Variants in ITGB6 observed in about 807,000 individuals in gnomAD.
The protein encoded by ITGB6 is integrin subunit beta 6, also known as integrin beta-6.
A neutral mutation model predicts 84.5 loss-of-function variants in ITGB6; 80 were observed. That is an observed-to-expected ratio of 0.95 (90% confidence interval 0.79 to 1.14). The LOEUF is 1.14. ITGB6 is among the 50% of genes most tolerant of loss of function. ITGB6 has a pLI of 0.00. For synonymous variants in ITGB6, 383 were observed against 354.9 expected (o/e 1.08, Z -0.89); for missense variants, 1,006 against 968.0 (o/e 1.04, Z -0.52).
In ITGB6 at chr2:160,107,773, A is replaced by G; in HGVS notation, c.2174T>C (p.Val725Ala). The change falls in exon 14 of 15, where the codon GTC (valine) becomes GCC (alanine). Residue 725 changes from valine (V) to alanine (A), a missense_variant. Physicochemically the swap from Val to Ala is moderately conservative, Grantham distance 64 (BLOSUM62 0). Transcript: ENST00000283249. The part of the protein sequence containing the change: ...VSLAILLIGV[V>A]LLCIWKLLVS... Reference sequence around the variant, plus strand: ...CAGTAGCTTCCAGATGCACAGTAGGACAACCCCGATGAGAAGAATAGCCAG... The same window carrying G: ...CAGTAGCTTCCAGATGCACAGTAGGGCAACCCCGATGAGAAGAATAGCCAG... The G allele has an allele frequency of 6.2e-7, 1 of 1,614,048 alleles. No homozygotes were observed. The highest frequency in any genetic ancestry group is 8.5e-7 in the Non-Finnish European group (1 of 1,179,910).
At chr2:160,104,875 G>A (rs1696849554) in intron 14 of ITGB6, among the ~76,000 whole-genome samples, 1 of 152,144 alleles carries the variant, frequency 6.6e-6, no homozygotes, top group Non-Finnish European at 1.5e-5. Context: ...TAGGAGGTAG[G>A]AGTGAAGACC....
rs150783771 is a variant in ITGB6, at chr2:160,200,169, T to C, written c.-106A>G. 293 of 834,938 alleles carry C rather than the reference T, an allele frequency of 3.5e-4. 1 individual carries two copies. The highest frequency in any genetic ancestry group is 3.3e-3 in the East Asian group (125 of 38,044). The allele number at this position is 834,938 out of a possible 1,614,324, so 51.7% of individuals were successfully genotyped here. Reference sequence around the variant, plus strand: ...AGTCTTTCTTTCTTGAAGTATAACATTTTAAATACTACTTACACTGCTTTG... The same window carrying C: ...AGTCTTTCTTTCTTGAAGTATAACACTTTAAATACTACTTACACTGCTTTG... On this transcript the variant is annotated 5_prime_UTR_variant, in exon 1 of 15. It removes an upstream start codon present in the reference 5' UTR. Transcript: ENST00000283249.
chr2:160,112,040 A>G (rs776366062), intron 13 of ITGB6, 40 bp downstream of exon 13: 1 of 1,603,052 alleles, frequency 6.2e-7, no homozygotes, highest in East Asian at 2.2e-5. Context: ...TCTCCTGTGT[A>G]GTATCATTTG....
intron 12 of ITGB6, 56 bp downstream of exon 12, chr2:160,123,735 C>T: frequency 1.5e-6 from 2 of 1,333,852 alleles, no homozygotes; most frequent in Middle Eastern, 1.8e-4. Flanking sequence ...GGGTCAAGAA[C>T]TACGCCTCTC....
At chr2:160,150,462 A>G (rs1559157694) in intron 7 of ITGB6, among the ~76,000 whole-genome samples, 1 of 152,216 alleles carries the variant, frequency 6.6e-6, no homozygotes, top group Non-Finnish European at 1.5e-5. Flanking sequence ...AGGAAGAACT[A>G]AACATGGAAA....
chr2:160,185,879 C>T (rs1002804427), intron 4 of ITGB6, among the ~76,000 whole-genome samples: 9 of 152,124 alleles, frequency 5.9e-5, no homozygotes, highest in African/African-American at 1.9e-4. Flanking sequence ...GGAAAGGATT[C>T]CCTACTTAAT....
chr2:160,121,985 A>T (rs549083404), intron 12 of ITGB6, among the ~76,000 whole-genome samples: 2 of 151,890 alleles, frequency 1.3e-5, no homozygotes, highest in East Asian at 3.9e-4. Flanking sequence ...GACAAATATT[A>T]TGCGATCATT....
intron 7 of ITGB6, among the ~76,000 whole-genome samples, chr2:160,153,272 G>T (rs1017675323): frequency 1.2e-4 from 18 of 152,154 alleles, no homozygotes; most frequent in African/African-American, 4.3e-4. Flanking sequence ...AGAGGCCTCA[G>T]AAATAACACC....
At chr2:160,137,062 A>G (rs1351053842) in intron 10 of ITGB6, among the ~76,000 whole-genome samples, 1 of 86,252 alleles carries the variant, frequency 1.2e-5, no homozygotes, top group African/African-American at 4.2e-5. Context: ...TAAAAAAAAA[A>G]AGAAAAAAAA....
intron 12 of ITGB6, 46 bp from the exon 13 acceptor site, chr2:160,112,245 G>T (rs373074164): frequency 2.6e-6 from 4 of 1,551,634 alleles, no homozygotes; most frequent in Non-Finnish European, 3.5e-6. Flanking sequence ...GATTCCAAAA[G>T]AGATTGTTTT....
At chr2:160,154,479 T>G (rs946963849) in intron 7 of ITGB6, among the ~76,000 whole-genome samples, 1 of 152,124 alleles carries the variant, frequency 6.6e-6, no homozygotes, top group African/African-American at 2.4e-5. Context: ...AAATACCTAA[T>G]GTAAATGATG....
intron 12 of ITGB6, among the ~76,000 whole-genome samples, chr2:160,112,542 G>C (rs1682580686): frequency 6.6e-6 from 1 of 152,158 alleles, no homozygotes; most frequent in African/African-American, 2.4e-5. Flanking sequence ...GGGGCTATAG[G>C]TTCTTTGCTG....
chr2:160,150,688 T>C (rs1339039082), intron 7 of ITGB6, among the ~76,000 whole-genome samples: 1 of 151,918 alleles, frequency 6.6e-6, no homozygotes, highest in Non-Finnish European at 1.5e-5. Flanking sequence ...TCAAGACCCA[T>C]TGGTGTGTAT....
intron 10 of ITGB6, among the ~76,000 whole-genome samples, chr2:160,134,524 A>G (rs1220683355): frequency 1.3e-5 from 2 of 152,310 alleles, no homozygotes; most frequent in Admixed American, 1.3e-4. Flanking sequence ...CAATCAATAG[A>G]AAAAGGGGGA....
intron 13 of ITGB6, among the ~76,000 whole-genome samples, chr2:160,111,011 C>T (rs948745309): frequency 6.6e-6 from 1 of 152,122 alleles, no homozygotes; most frequent in African/African-American, 2.4e-5. Context: ...TAATAAAAAG[C>T]ATCAGGGCAT....
chr2:160,103,757 G>T (rs1320987026), intron 14 of ITGB6, among the ~76,000 whole-genome samples: 2 of 152,152 alleles, frequency 1.3e-5, no homozygotes, highest in African/African-American at 4.8e-5. Flanking sequence ...GACAGGGTAA[G>T]CCTGTCCTGG....
At chr2:160,170,594 C>A (rs1049023789) in intron 6 of ITGB6, among the ~76,000 whole-genome samples, 4 of 152,176 alleles carry the variant, frequency 2.6e-5, no homozygotes, top group Non-Finnish European at 5.9e-5. Context: ...CTATTTGAAT[C>A]AGATCTGTTG....
At chr2:160,195,347 G>A in intron 4 of ITGB6, 22 bp downstream of exon 4, 1 of 1,613,524 alleles carries the variant, frequency 6.2e-7, no homozygotes, top group Non-Finnish European at 8.5e-7. Flanking sequence ...GCACAAAGAT[G>A]CCAAGAGAAT....
rs16844829 is a variant in ITGB6 at position 160,139,437 on chromosome 2, A to G, written c.1108-1238T>C. On this transcript the variant is annotated intron_variant, in intron 8 of 14. Transcript: ENST00000283249. ...TGATACTTTATGTGTAAGTTTGCCA[A>G]ATGTATAGTAAAATGACCCTGCCTT... 1.2e-3 allele frequency among the ~76,000 whole-genome samples: 183 copies of G among 152,234 alleles called. 8 individuals are homozygous for G. The East Asian group carries it at 0.033, about 28-fold the overall frequency.
Sources: gnomAD v4.1 joint callset for allele counts (sites outside exome capture counted in the v4.1 genomes callset) on GRCh38, gnomAD v4.1.1 for gene constraint, MANE v1.5 for transcripts, NCBI Gene and HGNC (gene_info 2026-07-23, HGNC 2026-07-21) for gene names.